The following DYNC1I1 variants were observed in gnomAD, a reference collection of about 807,000 sequenced individuals.
DYNC1I1 encodes dynein cytoplasmic 1 intermediate chain 1, also known as cytoplasmic dynein 1 intermediate chain 1.
Under a neutral mutation model 86.6 loss-of-function variants are expected in DYNC1I1, and 43 were observed. The ratio of observed to expected loss-of-function variants is 0.50; its 90% confidence interval spans 0.39 to 0.64. The LOEUF is 0.64. Among genes scored for constraint, DYNC1I1 ranks in the 30% least tolerant of loss-of-function variants. The pLI, the probability that DYNC1I1 is intolerant of heterozygous loss-of-function variation, is 0.00. For missense variants in DYNC1I1, 604 were observed against 788.8 expected (o/e 0.77, Z 2.81); for synonymous variants, 262 against 283.7 (o/e 0.92, Z 0.77).
At chr7:95,972,254 A>G (rs573262783) in intron 6 of DYNC1I1, among the ~76,000 whole-genome samples, 114 of 152,314 alleles carry the variant, frequency 7.5e-4, no homozygotes, top group African/African-American at 2.5e-3. Context: ...CAGAAGGAAC[A>G]GGTTTGAAAA....
chr7:95,961,315 T>A (rs1319496373), intron 6 of DYNC1I1, among the ~76,000 whole-genome samples: 6 of 152,144 alleles, frequency 3.9e-5, no homozygotes, highest in African/African-American at 1.4e-4. Context: ...CCCTTCAACT[T>A]CATGGATGGC....
chr7:96,046,536 G>A (rs531929818), intron 14 of DYNC1I1, among the ~76,000 whole-genome samples: 4 of 152,314 alleles, frequency 2.6e-5, no homozygotes, highest in Admixed American at 6.5e-5. Flanking sequence ...TGTTCTTAGT[G>A]AATAAGTGGG....
chr7:95,823,835 C>A (rs1420406484), intron 4 of DYNC1I1, among the ~76,000 whole-genome samples: 3 of 151,074 alleles, frequency 2.0e-5, no homozygotes, highest in Admixed American at 6.6e-5. Context: ...ACTCAGCCAC[C>A]TAAGTCCAAT....
At chr7:95,951,467 G>A (rs1216995927) in intron 6 of DYNC1I1, among the ~76,000 whole-genome samples, 1 of 151,850 alleles carries the variant, frequency 6.6e-6, no homozygotes, top group Non-Finnish European at 1.5e-5. Context: ...TGTTTTTTGG[G>A]ACCTGAGAAG....
chr7:96,027,643 C>A (rs1794713106), intron 10 of DYNC1I1, among the ~76,000 whole-genome samples: 2 of 152,146 alleles, frequency 1.3e-5, no homozygotes, highest in South Asian at 4.2e-4. Context: ...TTGGATCAGT[C>A]TGAGGTCAGT....
intron 6 of DYNC1I1, among the ~76,000 whole-genome samples, chr7:95,946,522 A>G (rs1171555532): frequency 6.6e-6 from 1 of 152,192 alleles, no homozygotes; most frequent in Non-Finnish European, 1.5e-5. Context: ...AAGAGGTGTG[A>G]TTCTTTTCAC....
intron 16 of DYNC1I1, among the ~76,000 whole-genome samples, chr7:96,105,468 G>A (rs1791201842): frequency 6.6e-6 from 1 of 151,988 alleles, no homozygotes; most frequent in Non-Finnish European, 1.5e-5. Context: ...TATGCTGGTT[G>A]ACATTTTTTA....
At chr7:95,792,669 T>C (rs531840901) in intron 1 of DYNC1I1, among the ~76,000 whole-genome samples, 1 of 151,860 alleles carries the variant, frequency 6.6e-6, no homozygotes, top group Non-Finnish European at 1.5e-5. Context: ...TTAAATAAAT[T>C]TGTATGATTT....
chr7:95,927,572 A>G (rs1381739763), intron 6 of DYNC1I1, among the ~76,000 whole-genome samples: 1 of 152,180 alleles, frequency 6.6e-6, no homozygotes, highest in Non-Finnish European at 1.5e-5. Flanking sequence ...GGAAGAATGT[A>G]TCCCTTTAAT....
chr7:95,998,764 C>T (rs1398420772), intron 10 of DYNC1I1, among the ~76,000 whole-genome samples: 1 of 152,118 alleles, frequency 6.6e-6, no homozygotes, highest in African/African-American at 2.4e-5. Flanking sequence ...GCTGATTCTT[C>T]ATATTTTTTA....
Position 95,810,694 on chromosome 7 carries a change from A to AG in DYNC1I1, c.223+189dup, listed in dbSNP as rs35308603. ...GGGGGCTGGAAGGAGATGGGAGGAA[A>AG]GTTGTAGAATTGTCAGTAGTTTGGG... On this transcript the variant is annotated intron_variant, in intron 3 of 16. Coordinates refer to ENST00000447467, the MANE Select transcript of DYNC1I1 (RefSeq NM_001135556.2). Among the ~76,000 whole-genome samples, 98,180 of 151,934 alleles carry AG rather than the reference A, an allele frequency of 0.65. 32,521 individuals carry two copies. The highest frequency in any genetic ancestry group is 0.79 in the African/African-American group (32,715 of 41,460).
At chr7:95,818,965 T>C (rs950213109) in intron 4 of DYNC1I1, 4 of 153,568 alleles carry the variant, frequency 2.6e-5, no homozygotes, top group African/African-American at 9.6e-5. Context: ...TATTTAAAAC[T>C]GATGCCTGTG....
At chr7:96,079,943 C>A (rs1264902281) in intron 15 of DYNC1I1, among the ~76,000 whole-genome samples, 1 of 152,164 alleles carries the variant, frequency 6.6e-6, no homozygotes, top group Non-Finnish European at 1.5e-5. Flanking sequence ...CCACCATACA[C>A]CTGCTTTCTG....
intron 5 of DYNC1I1, among the ~76,000 whole-genome samples, chr7:95,869,310 C>T (rs13238387): frequency 6.6e-6 from 1 of 151,936 alleles, no homozygotes; most frequent in East Asian, 1.9e-4. Flanking sequence ...CCCAGTGCCC[C>T]CTTTCACTCA....
intron 1 of DYNC1I1, among the ~76,000 whole-genome samples, chr7:95,790,600 T>C (rs1026380672): frequency 6.6e-6 from 1 of 152,234 alleles, no homozygotes; most frequent in Non-Finnish European, 1.5e-5. Context: ...TCAGCTGTTA[T>C]ATTCTTTATC....
At chr7:95,921,111 C>T (rs573295631) in intron 6 of DYNC1I1, among the ~76,000 whole-genome samples, 27 of 152,210 alleles carry the variant, frequency 1.8e-4, no homozygotes, top group East Asian at 9.6e-4. Flanking sequence ...TAGTCTTTAT[C>T]GACATGACAT....
chr7:96,079,355 A>G (rs903695351), intron 15 of DYNC1I1, among the ~76,000 whole-genome samples: 1 of 152,044 alleles, frequency 6.6e-6, no homozygotes, highest in Non-Finnish European at 1.5e-5. Flanking sequence ...ATGTTTTAAT[A>G]TTTACCTTTT....
chr7:96,035,897 A>T, intron 13 of DYNC1I1, 145 bp downstream of exon 13: 3 of 1,345,766 alleles, frequency 2.2e-6, no homozygotes, highest in Non-Finnish European at 3.1e-6. Context: ...TATCTTAAAG[A>T]GCTGCATCTG....
chr7:95,958,500 G>T (rs137870777), intron 6 of DYNC1I1, among the ~76,000 whole-genome samples: 3 of 152,184 alleles, frequency 2.0e-5, no homozygotes, highest in African/African-American at 7.2e-5. Context: ...GATCAAGGCT[G>T]CAGTGAGCTG....
Sources: allele counts gnomAD v4.1 joint callset (sites outside exome capture counted in the v4.1 genomes callset), GRCh38; gene constraint gnomAD v4.1.1; transcripts MANE v1.5; gene names NCBI Gene and HGNC (gene_info 2026-07-23, HGNC 2026-07-21).